The following SMAP1 variants were observed in gnomAD, a reference collection of about 807,000 sequenced individuals.
SMAP1 encodes small ArfGAP 1.
In SMAP1, 24 loss-of-function variants were observed where a neutral mutation model predicts 58.5. The ratio of observed to expected loss-of-function variants is 0.41; its 90% CI spans 0.30 to 0.58. The LOEUF (loss-of-function observed/expected upper bound fraction) is 0.58, where lower values mean the gene tolerates loss of function less well. Ranked by LOEUF, SMAP1 falls within the 20% of genes least tolerant of loss-of-function variation. The pLI is 0.29. For synonymous variants in SMAP1, 216 were observed against 196.6 expected, an observed-to-expected ratio of 1.10 and a Z score of -0.82; for missense variants, 563 against 566.3, an observed-to-expected ratio of 0.99 and a Z score of 0.06.
chr6:70,803,642 A>T (rs1329758610), intron 6 of SMAP1, among the ~76,000 whole-genome samples: 1 of 152,102 alleles, frequency 6.6e-6, no homozygotes, highest in East Asian at 1.9e-4. Flanking sequence ...AGTGCTATAA[A>T]TTTCCCTCTA....
intron 3 of SMAP1, among the ~76,000 whole-genome samples, chr6:70,761,167 A>T (rs184438650): frequency 5.5e-4 from 84 of 152,150 alleles, no homozygotes; most frequent in Admixed American, 2.4e-3. Flanking sequence ...AAATATATAG[A>T]TACATGTTAA....
At chr6:70,814,216 G>A (rs1408326953) in intron 6 of SMAP1, among the ~76,000 whole-genome samples, 2 of 152,098 alleles carry the variant, frequency 1.3e-5, no homozygotes, top group Non-Finnish European at 1.5e-5. Context: ...ACCCATTACT[G>A]ACCCATCATT....
intron 4 of SMAP1, among the ~76,000 whole-genome samples, chr6:70,774,411 A>G (rs941210259): frequency 6.6e-6 from 1 of 152,216 alleles, no homozygotes; most frequent in Non-Finnish European, 1.5e-5. Context: ...TGGTGAAGTC[A>G]TCTGTCAAGC....
intron 8 of SMAP1, among the ~76,000 whole-genome samples, chr6:70,856,371 G>A (rs1771422168): frequency 6.6e-6 from 1 of 152,172 alleles, no homozygotes. Flanking sequence ...GTCTAATATT[G>A]TAGTTAAAAC....
At chr6:70,831,695 CTT>C (rs1421063695) in intron 6 of SMAP1, among the ~76,000 whole-genome samples, 1 of 152,014 alleles carries the variant, frequency 6.6e-6, no homozygotes, top group East Asian at 1.9e-4. Context: ...GATTCCATGT[CTT>C]TGCTATTGTG....
chr6:70,786,096 T>C (rs1189309796), intron 4 of SMAP1, among the ~76,000 whole-genome samples: 1 of 152,116 alleles, frequency 6.6e-6, no homozygotes. Flanking sequence ...TCAAAAAGCT[T>C]ATCCACCATG....
intron 7 of SMAP1, among the ~76,000 whole-genome samples, chr6:70,845,413 G>GTT (rs1770951449): frequency 6.6e-6 from 1 of 152,190 alleles, no homozygotes; most frequent in African/African-American, 2.4e-5. Flanking sequence ...TAAGAGAACT[G>GTT]GTTGTGAGGA....
chr6:70,729,483 G>GTGTGTA (rs1765337034), intron 1 of SMAP1, among the ~76,000 whole-genome samples: 1 of 150,826 alleles, frequency 6.6e-6, no homozygotes, highest in African/African-American at 2.4e-5. Flanking sequence ...GTGTGTGTGT[G>GTGTGTA]TGTGTGTGTG....
chr6:70,817,414 T>C (rs1769686058), intron 6 of SMAP1, among the ~76,000 whole-genome samples: 1 of 152,148 alleles, frequency 6.6e-6, no homozygotes, highest in South Asian at 2.1e-4. Context: ...AAGTGGTTTG[T>C]ATAATCATAG....
chr6:70,827,126 T>A (rs1393170675), intron 6 of SMAP1, among the ~76,000 whole-genome samples: 1 of 152,046 alleles, frequency 6.6e-6, no homozygotes, highest in African/African-American at 2.4e-5. Context: ...TTAATAGAAT[T>A]GATGTCAGTT....
intron 8 of SMAP1, among the ~76,000 whole-genome samples, chr6:70,852,871 T>C (rs1250974377): frequency 1.3e-5 from 2 of 152,246 alleles, no homozygotes; most frequent in African/African-American, 2.4e-5. Context: ...CTGGTTTAGG[T>C]ACTGTATGTG....
intron 2 of SMAP1, among the ~76,000 whole-genome samples, chr6:70,737,437 G>A (rs1389538082): frequency 6.6e-6 from 1 of 152,150 alleles, no homozygotes. Context: ...ATGAACCACC[G>A]TGCTTGGCCG....
chr6:70,832,944 A>G (rs1392950453), intron 6 of SMAP1, among the ~76,000 whole-genome samples: 2 of 152,278 alleles, frequency 1.3e-5, no homozygotes, highest in East Asian at 1.9e-4. Context: ...ATTTTAAGTT[A>G]TTATTACTCA....
intron 1 of SMAP1, among the ~76,000 whole-genome samples, chr6:70,707,908 A>C (rs1422966103): frequency 6.6e-6 from 1 of 152,228 alleles, no homozygotes; most frequent in African/African-American, 2.4e-5. Context: ...TGATTTCTAC[A>C]GTCAAACAAA....
chr6:70,835,828 T>G (rs1289685286), intron 6 of SMAP1, among the ~76,000 whole-genome samples: 1 of 152,178 alleles, frequency 6.6e-6, no homozygotes, highest in East Asian at 1.9e-4. Flanking sequence ...TTTCTTAGTT[T>G]ATTAGAAGTA....
intron 1 of SMAP1, among the ~76,000 whole-genome samples, chr6:70,689,633 A>G (rs1266824231): frequency 6.6e-6 from 1 of 152,198 alleles, no homozygotes; most frequent in East Asian, 1.9e-4. Context: ...ATGGGGAATC[A>G]TTTGAGTCTG....
Position 70,858,134 on chromosome 6 carries a change from G to C in SMAP1, c.1174G>C (p.Val392Leu), listed in dbSNP as rs370666289. 6.2e-7 allele frequency: 1 copy of C among 1,614,024 alleles called. No individual in the cohort carries two copies. Among genetic ancestry groups the C allele is most frequent in the South Asian group, 1.1e-5 (1 of 91,082 alleles). Residue 392 changes from valine (V) to leucine (L), a missense_variant, in exon 10 of 11, where the codon GTT becomes CTT. Physicochemically the swap from Val to Leu is conservative, Grantham distance 32. This residue lies in a region of SMAP1 where 494 missense variants were observed against 473.8 expected (regional missense o/e 1.04). Coordinates refer to ENST00000370455, the MANE Select transcript of SMAP1 (RefSeq NM_001044305.3). Reference protein sequence around the residue: ...TGVMPLPQNVVGPQGGMVGQM... With the variant: ...TGVMPLPQNVLGPQGGMVGQM... ...TGTGATGCCACTTCCTCAGAACGTTGTTGGCCCCCAAGGAGGAATGGTGGG... is the reference window on the plus strand; with the variant it reads ...TGTGATGCCACTTCCTCAGAACGTTCTTGGCCCCCAAGGAGGAATGGTGGG...
chr6:70,745,445 T>G (rs908618229), intron 2 of SMAP1, among the ~76,000 whole-genome samples: 15 of 152,276 alleles, frequency 9.9e-5, no homozygotes, highest in Non-Finnish European at 1.3e-4. Context: ...TTTCCCCATT[T>G]CTTGTTTTTG....
At chr6:70,743,713 T>A in intron 2 of SMAP1, among the ~76,000 whole-genome samples, 1 of 151,224 alleles carries the variant, frequency 6.6e-6, no homozygotes, top group East Asian at 1.9e-4. Flanking sequence ...TATGCTTAAC[T>A]TTTTAAGTTA....
Sources: gnomAD v4.1 joint callset for allele counts (sites outside exome capture counted in the v4.1 genomes callset) on GRCh38, gnomAD v4.1.1 for gene constraint, gnomAD v4.1.1 regional missense constraint, MANE v1.5 for transcripts, NCBI Gene and HGNC (gene_info 2026-07-23, HGNC 2026-07-21) for gene names.